The following PARD3B variants were observed in gnomAD, a reference collection of about 807,000 sequenced individuals.
PARD3B encodes par-3 family cell polarity regulator beta.
PARD3B carries 103 observed loss-of-function variants against 130.2 expected under a neutral mutation model. That is an observed-to-expected ratio of 0.79 (90% CI 0.67 to 0.93). PARD3B has a LOEUF of 0.93. Ranked by LOEUF, PARD3B falls within the 40% of genes least tolerant of loss-of-function variation. The probability of loss-of-function intolerance (pLI) is 0.00; values close to 1 mark genes in which losing one functional copy is unlikely to be tolerated. For missense variants in PARD3B, 1,609 were observed against 1,499.2 expected (o/e 1.07, Z -1.21); for synonymous variants, 583 against 553.2 (o/e 1.05, Z -0.76).
At chr2:205,273,879 G>A (rs2040838172) in intron 16 of PARD3B, among the ~76,000 whole-genome samples, 1 of 152,090 alleles carries the variant, frequency 6.6e-6, no homozygotes, top group Non-Finnish European at 1.5e-5. Flanking sequence ...TTGAACTTTT[G>A]TTACAAGTCC....
At position 205,291,649 on chromosome 2, in the gene PARD3B, C is replaced by G. The variant is rs1290743094; in HGVS notation, c.2186-8881C>G. On this transcript the variant is annotated intron_variant, in intron 16 of 22. Coordinates refer to ENST00000406610, the MANE Select transcript of PARD3B (RefSeq NM_001302769.2). The surrounding 1 kb of genome is among the most constrained non-coding windows in gnomAD (Gnocchi z 4.6). ...TAGATAGTTTGTTTGAACCCATAGG[C>G]ACAGCCTGGCTTTTTCTGACTGCTT... Among the ~76,000 whole-genome samples the G allele has an allele frequency of 6.6e-6, 1 of 152,176 alleles. No individual in the cohort carries two copies. The highest frequency in any genetic ancestry group is 2.4e-5 in the African/African-American group (1 of 41,442).
intron 15 of PARD3B, among the ~76,000 whole-genome samples, chr2:205,239,830 G>A (rs78934713): frequency 0.016 from 2,381 of 152,222 alleles, 32 homozygotes; most frequent in East Asian, 0.064. Flanking sequence ...CAGCACATTC[G>A]AGATGGAACA....
intron 16 of PARD3B, among the ~76,000 whole-genome samples, chr2:205,297,595 G>T (rs2041842078): frequency 1.3e-5 from 2 of 152,162 alleles, no homozygotes; most frequent in Admixed American, 1.3e-4. Flanking sequence ...TGGAGAAGGT[G>T]CTTGTCAGAG....
chr2:204,915,035 G>T (rs1465211765), intron 2 of PARD3B, among the ~76,000 whole-genome samples: 1 of 152,110 alleles, frequency 6.6e-6, no homozygotes, highest in Non-Finnish European at 1.5e-5. Context: ...ACTTCCTGGT[G>T]GATCGGCGGG....
intron 2 of PARD3B, among the ~76,000 whole-genome samples, chr2:204,931,598 G>T (rs1575340132): frequency 3.4e-5 from 5 of 145,740 alleles, no homozygotes; most frequent in South Asian, 4.3e-4. Flanking sequence ...ATTAACAATT[G>T]TTTTTTTTTT....
intron 21 of PARD3B, among the ~76,000 whole-genome samples, chr2:205,504,051 C>T (rs918592450): frequency 8.6e-5 from 13 of 152,008 alleles, no homozygotes; most frequent in African/African-American, 3.1e-4. Context: ...CTGAAGTTGC[C>T]TATCAGCTTA....
At chr2:205,109,164 A>G (rs575958536) in intron 5 of PARD3B, among the ~76,000 whole-genome samples, 2 of 152,328 alleles carry the variant, frequency 1.3e-5, no homozygotes, top group South Asian at 4.1e-4. Context: ...CACCAACAAC[A>G]AAGTCTTTGA....
intron 15 of PARD3B, among the ~76,000 whole-genome samples, chr2:205,238,951 T>C (rs988312984): frequency 3.4e-5 from 5 of 146,180 alleles, no homozygotes; most frequent in African/African-American, 1.3e-4. Flanking sequence ...TATATATATA[T>C]ATATCTGATG....
At chr2:205,467,833 T>C (rs2106246621) in intron 20 of PARD3B, among the ~76,000 whole-genome samples, 1 of 152,350 alleles carries the variant, frequency 6.6e-6, no homozygotes, top group African/African-American at 2.4e-5. Context: ...CATTTTCTTA[T>C]GTTAAACCTG....
chr2:205,203,627 G>A (rs2037114173), intron 15 of PARD3B, among the ~76,000 whole-genome samples: 1 of 151,748 alleles, frequency 6.6e-6, no homozygotes, highest in African/African-American at 2.4e-5. Flanking sequence ...AACAGGCCCT[G>A]GTGTGTGATG....
At chr2:204,963,693 C>A (rs897650330) in intron 2 of PARD3B, among the ~76,000 whole-genome samples, 2 of 152,100 alleles carry the variant, frequency 1.3e-5, no homozygotes, top group Non-Finnish European at 2.9e-5. Context: ...TATCGTTCTA[C>A]TGATTTTTTT....
chr2:205,227,732 T>A (rs2038633772), intron 15 of PARD3B, among the ~76,000 whole-genome samples: 1 of 152,170 alleles, frequency 6.6e-6, no homozygotes, highest in Non-Finnish European at 1.5e-5. Flanking sequence ...GTTATTTGTT[T>A]TCTGGTTGTT....
At chr2:205,099,866 A>G (rs1702633766) in intron 4 of PARD3B, among the ~76,000 whole-genome samples, 1 of 152,194 alleles carries the variant, frequency 6.6e-6, no homozygotes, top group Non-Finnish European at 1.5e-5. Context: ...AGCTTCGGCA[A>G]GGGAAAGTGT....
In PARD3B at chr2:205,572,048, C is replaced by G. The variant is rs2053576964; in HGVS notation, c.3260+18645C>G. Among the ~76,000 whole-genome samples, 1 of 152,098 alleles carries G rather than the reference C, an allele frequency of 6.6e-6. No individual in the cohort carries two copies. The highest frequency in any genetic ancestry group is 6.5e-5 in the Admixed American group (1 of 15,272). ...CTGTGGAGTTATTTTGTTTATTGTT[C>G]TGAAGTTCTATGAGCATGAAGGTAG... On this transcript the variant is annotated intron_variant, in intron 22 of 22. Transcript: ENST00000406610. This position sits in a 1 kb window ranked among gnomAD's most constrained non-coding sequence, Gnocchi z 4.2.
At chr2:205,117,965 G>A (rs1409933726) in intron 6 of PARD3B, among the ~76,000 whole-genome samples, 1 of 14,556 alleles carries the variant, frequency 6.9e-5, no homozygotes, top group East Asian at 2.1e-3. Context: ...TAATTCTAGT[G>A]GCTATAGTTT....
At position 205,351,872 on chromosome 2, in the gene PARD3B, A is replaced by T. The variant is rs926126549; in HGVS notation, c.2631-49141A>T. 3.3e-5 allele frequency among the ~76,000 whole-genome samples: 5 copies of T among 152,082 alleles called. No homozygotes were observed. Among genetic ancestry groups the T allele is most frequent in the African/African-American group, 9.6e-5 (4 of 41,472 alleles). On this transcript the variant is annotated intron_variant, in intron 18 of 22. Transcript: ENST00000406610. The surrounding 1 kb of genome is among the most constrained non-coding windows in gnomAD (Gnocchi z 4.2). ...AGAGGTACGTGACAGCTTCTGAGGGATCTGTTTGTATACATAACATCCCAG... is the reference window on the plus strand; with the variant it reads ...AGAGGTACGTGACAGCTTCTGAGGGTTCTGTTTGTATACATAACATCCCAG...
intron 2 of PARD3B, among the ~76,000 whole-genome samples, chr2:204,725,352 C>T (rs2039177347): frequency 1.3e-5 from 2 of 152,076 alleles, no homozygotes; most frequent in South Asian, 2.1e-4. Flanking sequence ...TAGGTGAAAA[C>T]GTACCTTAAT....
chr2:205,571,774 C>T (rs1476711722), intron 22 of PARD3B, among the ~76,000 whole-genome samples: 1 of 152,152 alleles, frequency 6.6e-6, no homozygotes, highest in Non-Finnish European at 1.5e-5. Context: ...AAATAATGAG[C>T]CAGATTCTCC....
chr2:204,752,476 T>C (rs1260617249), intron 2 of PARD3B, among the ~76,000 whole-genome samples: 1 of 152,170 alleles, frequency 6.6e-6, no homozygotes, highest in African/African-American at 2.4e-5. Flanking sequence ...AAAAATGGTA[T>C]CTTTATAAAC....
Sources: allele counts gnomAD v4.1 joint callset (sites outside exome capture counted in the v4.1 genomes callset), GRCh38; gene constraint gnomAD v4.1.1; non-coding constraint Gnocchi (gnomAD v3.1); transcripts MANE v1.5; gene names NCBI Gene and HGNC (gene_info 2026-07-23, HGNC 2026-07-21).